The following SGSM1 variants were observed in gnomAD, a reference collection of about 807,000 sequenced individuals.
SGSM1 encodes the protein RUN and TBC1 domain containing 2.
Under a neutral mutation model 133.8 loss-of-function variants are expected in SGSM1, and 73 were observed. That is an observed-to-expected ratio of 0.55 (90% confidence interval 0.45 to 0.66). The LOEUF (loss-of-function observed/expected upper bound fraction) is 0.66, where lower values mean the gene tolerates loss of function less well. Among genes scored for constraint, SGSM1 ranks in the 30% least tolerant of loss-of-function variants. The pLI is 0.00. For synonymous variants in SGSM1, 563 were observed against 573.0 expected (o/e 0.98, Z 0.25); for missense variants, 1,213 against 1,448.1 (o/e 0.84, Z 2.64).
chr22:24,871,590 A>C (rs1019748426), intron 12 of SGSM1, among the ~76,000 whole-genome samples: 1 of 152,102 alleles, frequency 6.6e-6, no homozygotes, highest in Non-Finnish European at 1.5e-5. Context: ...CCCATTTTGC[A>C]AGGAGGAAAC....
chr22:24,841,053 T>C lies in SGSM1; in HGVS notation c.64-3844T>C, dbSNP rs981678856. 4.6e-5 allele frequency among the ~76,000 whole-genome samples: 7 copies of C among 152,050 alleles called. No homozygotes were observed. The South Asian group carries it at 6.2e-4, about 14-fold the overall frequency. ...TTTTAGTAGAGACGGGGTTTCACCG[T>C]GTTAGCCAAGATGGTCTCGATCTCC... On this transcript the variant is annotated intron_variant, in intron 2 of 24. Transcript: ENST00000400358.
At chr22:24,848,940 T>C (rs1253296892) in intron 4 of SGSM1, among the ~76,000 whole-genome samples, 1 of 152,204 alleles carries the variant, frequency 6.6e-6, no homozygotes, top group Non-Finnish European at 1.5e-5. Context: ...TGGAATGACT[T>C]CTCAGCCAAC....
rs185355318 is a variant in SGSM1, at chr22:24,806,225, C to T, written c.-101C>T. The T allele has an allele frequency of 3.5e-3, 4,557 of 1,287,388 alleles. 17 individuals carry two copies. The highest frequency in any genetic ancestry group is 4.1e-3 in the Non-Finnish European group (4,195 of 1,021,646). 79.7% of individuals were successfully genotyped at this position (1,287,388 alleles called of 1,614,324 possible). ...CTCCGGCCGTCACTCAGCGCTCGGC[C>T]CCGCCCCGCCGCGGCTGCAGCAGCA... On this transcript the variant is annotated 5_prime_UTR_variant, in exon 1 of 25. Coordinates refer to ENST00000400358, the MANE Select transcript of SGSM1 (RefSeq NM_001098497.3).
Position 24,844,905 on chromosome 22 carries a change from G to T in SGSM1, c.72G>T (p.Gln24His). 6.2e-7 allele frequency: 1 copy of T among 1,613,774 alleles called. No homozygotes were observed. The highest frequency in any genetic ancestry group is 1.1e-5 in the South Asian group (1 of 91,046). ...TCACCTTTGCCTTCCAGGTGAAGCA[G>T]ATCATGGAGGAGGCTGTGACACGCA... is the stretch of plus-strand genomic sequence containing the variant. Reference protein sequence around the residue: ...LLRTVKKEVKQIMEEAVTRKF... With the variant: ...LLRTVKKEVKHIMEEAVTRKF... The change falls in exon 3 of 25, where the codon CAG (glutamine) becomes CAT (histidine). Residue 24 changes from glutamine (Q) to histidine (H), a missense_variant. Physicochemically the swap from Gln to His is conservative, Grantham distance 24. Transcript: ENST00000400358.
At chr22:24,910,413 G>GGAGGCC (rs1569176156) in intron 21 of SGSM1, among the ~76,000 whole-genome samples, 41 of 152,054 alleles carry the variant, frequency 2.7e-4, no homozygotes, top group African/African-American at 9.9e-4. Flanking sequence ...TAGCACTTTG[G>GGAGGCC]GAGGCAGGAG....
intron 16 of SGSM1, among the ~76,000 whole-genome samples, chr22:24,889,261 T>C (rs1379294877): frequency 1.3e-5 from 2 of 151,838 alleles, no homozygotes; most frequent in Non-Finnish European, 2.9e-5. Context: ...TGCCCGGCCC[T>C]CATAGTCACA....
intron 12 of SGSM1, among the ~76,000 whole-genome samples, chr22:24,875,246 C>G (rs1334881488): frequency 6.6e-6 from 1 of 152,208 alleles, no homozygotes; most frequent in Non-Finnish European, 1.5e-5. Flanking sequence ...CCATTCTGTA[C>G]CAGCCTATGA....
chr22:24,817,210 TCCCGAGTGCTG>T (rs1928145733), intron 2 of SGSM1, among the ~76,000 whole-genome samples: 1 of 152,152 alleles, frequency 6.6e-6, no homozygotes, highest in African/African-American at 2.4e-5. Flanking sequence ...CTTCCTACAG[TCCCGAGTGCTG>T]CCTGGGGATG....
At chr22:24,858,795 C>T (rs960440128) in intron 8 of SGSM1, among the ~76,000 whole-genome samples, 1 of 152,188 alleles carries the variant, frequency 6.6e-6, no homozygotes, top group African/African-American at 2.4e-5. Context: ...AAAGTTGAAT[C>T]GCAGTCAAAT....
chr22:24,833,134 C>G (rs1929215036), intron 2 of SGSM1, among the ~76,000 whole-genome samples: 1 of 151,514 alleles, frequency 6.6e-6, no homozygotes, highest in South Asian at 2.1e-4. Context: ...GGGGTTTCAC[C>G]ATGTTGGCCA....
At chr22:24,924,133 C>T in intron 24 of SGSM1, 53 bp from the exon 25 acceptor site, 2 of 1,561,984 alleles carry the variant, frequency 1.3e-6, no homozygotes, top group Non-Finnish European at 1.8e-6. Flanking sequence ...GAATTGTACC[C>T]TAAGACTGGA....
chr22:24,922,382 G>A (rs150903324), intron 24 of SGSM1, among the ~76,000 whole-genome samples: 3,768 of 149,676 alleles, frequency 0.025, 89 homozygotes, highest in Non-Finnish European at 0.038. Context: ...GGGTTTCACC[G>A]TGTTAGCCAG....
intron 23 of SGSM1, among the ~76,000 whole-genome samples, chr22:24,918,495 C>CAA (rs36015942): frequency 0.26 from 35,737 of 138,728 alleles, 4,694 homozygotes; most frequent in South Asian, 0.32. Context: ...GACTCCATCT[C>CAA]AAAAAAAAAA....
At chr22:24,808,115 G>GT (rs532530317) in intron 2 of SGSM1, among the ~76,000 whole-genome samples, 8,234 of 130,868 alleles carry the variant, frequency 0.063, 784 homozygotes, top group African/African-American at 0.19. Context: ...TTTTCTTGGT[G>GT]TTTTTTTTTT....
intron 2 of SGSM1, chr22:24,843,692 G>A (rs2147831845): frequency 6.6e-6 from 1 of 152,392 alleles, no homozygotes; most frequent in African/African-American, 2.4e-5. Context: ...CCAGAATCTA[G>A]TGGAGCAGAA....
intron 2 of SGSM1, among the ~76,000 whole-genome samples, chr22:24,838,339 A>G (rs920136131): frequency 3.3e-5 from 5 of 152,232 alleles, no homozygotes; most frequent in African/African-American, 4.8e-5. Flanking sequence ...TCTCAAATCC[A>G]TCTCCCTGAC....
intron 4 of SGSM1, among the ~76,000 whole-genome samples, chr22:24,848,518 C>T (rs1431550901): frequency 6.6e-6 from 1 of 152,148 alleles, no homozygotes; most frequent in Non-Finnish European, 1.5e-5. Flanking sequence ...GGGGGAGGCT[C>T]ATGGACAGAA....
rs1601948650 is a variant in SGSM1 at position 24,879,545 on chromosome 22, T to C, written c.1495+19T>C. The C allele has an allele frequency of 6.2e-7, 1 of 1,610,390 alleles. No homozygotes were observed. Among genetic ancestry groups the C allele is most frequent in the Non-Finnish European group, 8.5e-7 (1 of 1,177,594 alleles). On this transcript the variant is annotated intron_variant, in intron 14 of 24. Coordinates refer to ENST00000400358, the MANE Select transcript of SGSM1 (RefSeq NM_001098497.3). ...TATGGATGTACGTATAGGGCTCCAT[T>C]GCCAGTGTGTCTCCGTGGAGCAGCT...
At chr22:24,824,293 A>C (rs1671512622) in intron 2 of SGSM1, among the ~76,000 whole-genome samples, 1 of 152,150 alleles carries the variant, frequency 6.6e-6, no homozygotes, top group Admixed American at 6.5e-5. Context: ...ACACAGAAGG[A>C]ATGGCACATG....
Sources: allele counts gnomAD v4.1 joint callset (sites outside exome capture counted in the v4.1 genomes callset), GRCh38; gene constraint gnomAD v4.1.1; transcripts MANE v1.5; gene names NCBI Gene and HGNC (gene_info 2026-07-23, HGNC 2026-07-21).